Variants in CCDC171 observed in about 807,000 individuals in gnomAD.
The protein encoded by CCDC171 is coiled-coil domain-containing protein 171.
In CCDC171, 177 loss-of-function variants were observed where a neutral mutation model predicts 168.2. The observed-to-expected ratio is 1.05, with a 90% CI of 0.93 to 1.19. CCDC171 has a LOEUF of 1.19. Among genes scored for constraint, CCDC171 ranks in the 50% most tolerant of loss-of-function variants. The pLI, the probability that CCDC171 is intolerant of heterozygous loss-of-function variation, is 0.00. For missense variants in CCDC171, 1,991 were observed against 1,539.0 expected, an observed-to-expected ratio of 1.29 and a Z score of -4.91; for synonymous variants, 687 against 540.8, an observed-to-expected ratio of 1.27 and a Z score of -3.75.
At chr9:15,558,501 A>G (rs923206598) in intron 1 of CCDC171, among the ~76,000 whole-genome samples, 1 of 151,736 alleles carries the variant, frequency 6.6e-6, no homozygotes, top group Non-Finnish European at 1.5e-5. Flanking sequence ...TTTCCTCTAG[A>G]TTTTCTAGTT....
At position 15,899,168 on chromosome 9, in the gene CCDC171, A is replaced by G. The variant is rs941323065; in HGVS notation, c.3601-21102A>G. 3.3e-5 allele frequency among the ~76,000 whole-genome samples: 5 copies of G among 152,254 alleles called. No individual in the cohort carries two copies. The South Asian group carries it at 6.2e-4, about 19-fold the overall frequency. ...ATAGTTTATTCCTTTATTTGTCAAT[A>G]TTGATTAATAGTTTATTGGTGACTT... On this transcript the variant is annotated intron_variant, in intron 24 of 25. Coordinates refer to ENST00000380701, the MANE Select transcript of CCDC171 (RefSeq NM_173550.4).
rs193276204 is a variant in CCDC171 at position 15,605,946 on chromosome 9, G to T, written c.675+11774G>T. 1.6e-4 allele frequency among the ~76,000 whole-genome samples: 25 copies of T among 152,184 alleles called. No homozygotes were observed. The East Asian group carries it at 4.6e-3, about 28-fold the overall frequency. On this transcript the variant is annotated intron_variant, in intron 6 of 25. Transcript: ENST00000380701. ...CTGTAGCCTTTCCCTTACCTGTGGG[G>T]CATATGTTACATGACACCAGTGGAT...
chr9:15,979,278 TTTC>T (rs1271260470), intron 3 of CCDC171, among the ~76,000 whole-genome samples: 13 of 152,192 alleles, frequency 8.5e-5, no homozygotes, highest in Non-Finnish European at 1.0e-4. Flanking sequence ...ATGCCTTTCG[TTTC>T]TTCTTCTTAC....
At chr9:15,833,195 T>C (rs2060306530) in intron 21 of CCDC171, among the ~76,000 whole-genome samples, 1 of 152,142 alleles carries the variant, frequency 6.6e-6, no homozygotes, top group African/African-American at 2.4e-5. Context: ...TTTTGCCATG[T>C]TGGCCAGGCT....
At chr9:15,975,051 G>T (rs948389255), downstream of CCDC171, among the ~76,000 whole-genome samples, 2 of 152,058 alleles carry the variant, frequency 1.3e-5, no homozygotes, top group Non-Finnish European at 2.9e-5. Context: ...CTACAGATGC[G>T]TACCACTGTG....
At chr9:16,082,149 A>G in the CCDC171 span, among the ~76,000 whole-genome samples, 1 of 152,214 alleles carries the variant, frequency 6.6e-6, no homozygotes, top group Admixed American at 6.5e-5. Flanking sequence ...AAAAAGAAAA[A>G]TCATGACCTT....
At chr9:15,933,330 A>T (rs1008718326) in intron 25 of CCDC171, among the ~76,000 whole-genome samples, 2 of 151,628 alleles carry the variant, frequency 1.3e-5, no homozygotes, top group Non-Finnish European at 2.9e-5. Context: ...GAAGGTTATG[A>T]TCCTTTATAT....
chr9:15,946,387 G>A (rs1191036926), intron 25 of CCDC171, among the ~76,000 whole-genome samples: 1 of 151,960 alleles, frequency 6.6e-6, no homozygotes, highest in Admixed American at 6.6e-5. Context: ...CAGACAAACA[G>A]AGAGCCGAAT....
chr9:15,634,628 G>T (rs1272651780), intron 7 of CCDC171, among the ~76,000 whole-genome samples: 1 of 152,044 alleles, frequency 6.6e-6, no homozygotes, highest in Non-Finnish European at 1.5e-5. Flanking sequence ...TTACAGCGAT[G>T]AGTAAAAAAA....
chr9:15,610,257 C>G (rs10962097), intron 6 of CCDC171, among the ~76,000 whole-genome samples: 144 of 149,826 alleles, frequency 9.6e-4, no homozygotes, highest in Non-Finnish European at 1.8e-3. Flanking sequence ...CTGGATCTTG[C>G]TCTGCTGCAA....
chr9:16,010,728 A>G (rs1832845497), intron 3 of CCDC171, among the ~76,000 whole-genome samples: 1 of 141,858 alleles, frequency 7.0e-6, no homozygotes. Flanking sequence ...GTTATTTGGT[A>G]TTCCAAGGTC....
intron 6 of CCDC171, among the ~76,000 whole-genome samples, chr9:15,620,652 A>G (rs2132022517): frequency 6.6e-6 from 1 of 152,382 alleles, no homozygotes; most frequent in Non-Finnish European, 1.5e-5. Context: ...AGAATATTAC[A>G]TAAACTTAGT....
rs532595359 is a variant in CCDC171 at position 15,938,639 on chromosome 9, T to G, written c.3753+18217T>G. Among the ~76,000 whole-genome samples the G allele has an allele frequency of 3.3e-5, 5 of 152,000 alleles. No individual in the cohort carries two copies. The East Asian group carries it at 9.7e-4, about 30-fold the overall frequency. ...GATATATTGCATTTGTTCTTAAGAT[T>G]CTATGTTAGCTGAGAAATTGGGAAG... is the stretch of plus-strand genomic sequence containing the variant. On this transcript the variant is annotated intron_variant, in intron 25 of 25. Transcript: ENST00000380701.
chr9:15,994,364 C>G (rs867945667), intron 3 of CCDC171, among the ~76,000 whole-genome samples: 40 of 152,142 alleles, frequency 2.6e-4, no homozygotes, highest in African/African-American at 9.7e-4. Flanking sequence ...CATGTTCTCA[C>G]TCATAGGTGG....
Position 15,953,049 on chromosome 9 carries a change from A to T in CCDC171, c.3754-18560A>T, listed in dbSNP as rs140036550. Among the ~76,000 whole-genome samples, 442 of 152,238 alleles carry T rather than the reference A, an allele frequency of 2.9e-3. 2 individuals carry two copies. Among genetic ancestry groups the T allele is most frequent in the Non-Finnish European group, 5.4e-3 (364 of 68,014 alleles). On this transcript the variant is annotated intron_variant, in intron 25 of 25. Transcript: ENST00000380701. ...GACTTTGTGGCCTCCTACTTTGCTG[A>T]ATTCATTTATTATTTCTTACAGTAT...
chr9:15,654,401 T>G (rs2047761260), intron 7 of CCDC171, among the ~76,000 whole-genome samples: 1 of 152,224 alleles, frequency 6.6e-6, no homozygotes, highest in Non-Finnish European at 1.5e-5. Flanking sequence ...CAGGTGCATC[T>G]ACAAAGGCCT....
At chr9:15,726,484 T>G (rs2053809514) in intron 14 of CCDC171, among the ~76,000 whole-genome samples, 1 of 152,196 alleles carries the variant, frequency 6.6e-6, no homozygotes, top group Admixed American at 6.5e-5. Flanking sequence ...AATAAGACTT[T>G]AAAACATTTT....
intron 16 of CCDC171, among the ~76,000 whole-genome samples, chr9:15,737,232 G>T (rs765272294): frequency 1.3e-5 from 2 of 152,074 alleles, no homozygotes; most frequent in Non-Finnish European, 2.9e-5. Flanking sequence ...GTTGCATGCT[G>T]TGGTAGTAAC....
intron 2 of CCDC171, 107 bp from the exon 3 acceptor site, chr9:15,571,517 T>G: frequency 2.3e-6 from 2 of 882,436 alleles, no homozygotes; most frequent in Non-Finnish European, 3.4e-6. Flanking sequence ...AAGAACCATG[T>G]CATGTTCTCT....
Sources: allele counts gnomAD v4.1 joint callset (sites outside exome capture counted in the v4.1 genomes callset), GRCh38; gene constraint gnomAD v4.1.1; transcripts MANE v1.5; gene names NCBI Gene and HGNC (gene_info 2026-07-23, HGNC 2026-07-21).